Variants in PCDHGA5 observed in about 807,000 individuals in gnomAD.
PCDHGA5 encodes protocadherin gamma subfamily A, 5.
Under a neutral mutation model 56.7 loss-of-function variants are expected in PCDHGA5, and 36 were observed. The observed-to-expected ratio is 0.64, with a 90% CI of 0.49 to 0.84. PCDHGA5 has a LOEUF of 0.84. Among genes scored for constraint, PCDHGA5 ranks in the 40% least tolerant of loss-of-function variants. The pLI is 0.00. For missense variants in PCDHGA5, 1,305 were observed against 1,201.5 expected (o/e 1.09, Z -1.27); for synonymous variants, 563 against 520.2 (o/e 1.08, Z -1.12).
intron 1 of PCDHGA5, among the ~76,000 whole-genome samples, chr5:141,369,416 C>T (rs1766232805): frequency 6.6e-6 from 1 of 152,038 alleles, no homozygotes; most frequent in Non-Finnish European, 1.5e-5. Flanking sequence ...ACTATAATCC[C>T]AGCAATTTGG....
At chr5:141,414,926 G>T (rs2095802657) in intron 1 of PCDHGA5, 3 of 1,614,114 alleles carry the variant, frequency 1.9e-6, no homozygotes, top group Admixed American at 1.7e-5. Flanking sequence ...CTGGCGCCCC[G>T]CTCCGCAGAG....
chr5:141,423,759 G>C, intron 1 of PCDHGA5: 1 of 321,042 alleles, frequency 3.1e-6, no homozygotes, highest in Non-Finnish European at 4.5e-6. Flanking sequence ...TTGGGGGGGG[G>C]GTGGGGCGGC....
At chr5:141,401,058 T>A (rs967099811) in intron 1 of PCDHGA5, among the ~76,000 whole-genome samples, 1 of 152,236 alleles carries the variant, frequency 6.6e-6, no homozygotes, top group African/African-American at 2.4e-5. Flanking sequence ...AAATACTATA[T>A]GTTGGCTGGG....
At chr5:141,410,340 T>C (rs1408707323) in intron 1 of PCDHGA5, 5 of 1,614,068 alleles carry the variant, frequency 3.1e-6, no homozygotes, top group Non-Finnish European at 2.5e-6. Context: ...GCCATTGCCT[T>C]GCGCCTGCGA....
intron 1 of PCDHGA5, chr5:141,415,110 C>A: frequency 6.2e-7 from 1 of 1,613,666 alleles, no homozygotes; most frequent in Middle Eastern, 1.7e-4. Flanking sequence ...TCAAGCAAAG[C>A]CTCGTAGTGG....
At chr5:141,372,833 T>C (rs1317318812) in intron 1 of PCDHGA5, 6 of 1,538,022 alleles carry the variant, frequency 3.9e-6, no homozygotes, top group Non-Finnish European at 5.3e-6. Flanking sequence ...AACCTTTCCT[T>C]CCATAAATAT....
chr5:141,451,428 G>T (rs552096051), intron 1 of PCDHGA5, among the ~76,000 whole-genome samples: 17 of 152,166 alleles, frequency 1.1e-4, no homozygotes, highest in Non-Finnish European at 2.1e-4. Context: ...TTAGACTAAG[G>T]GTTCCAGTTC....
rs576464275 is a variant in PCDHGA5, at chr5:141,448,784, CA to C, written c.2422-46012del. ...TGAAACCCCGTCTGTACTAAAAATA[CA>C]AAAAAAAAAATTAGCCAGGCGTGAT... On this transcript the variant is annotated intron_variant, in intron 1 of 3. Coordinates refer to ENST00000518069, the MANE Select transcript of PCDHGA5 (RefSeq NM_018918.3). Among the ~76,000 whole-genome samples, 323 of 145,522 alleles carry C rather than the reference CA, an allele frequency of 2.2e-3. 2 individuals are homozygous for C. The highest frequency in any genetic ancestry group is 5.9e-3 in the African/African-American group (238 of 40,012).
At chr5:141,394,751 C>A in intron 1 of PCDHGA5, 3 of 1,613,428 alleles carry the variant, frequency 1.9e-6, no homozygotes, top group Non-Finnish European at 2.5e-6. Context: ...TGGTGGCCGT[C>A]CAGGACCATG....
intron 1 of PCDHGA5, chr5:141,372,266 T>C (rs1230396538): frequency 6.2e-7 from 1 of 1,613,082 alleles, no homozygotes. Flanking sequence ...TGCGCACGGG[T>C]GAGGTGCGCA....
rs768132114 is a variant in PCDHGA5 at position 141,489,845 on chromosome 5, G to A, written c.2422-4962G>A. 5 of 1,614,188 alleles carry A rather than the reference G, an allele frequency of 3.1e-6. No homozygotes were observed. The highest frequency in any genetic ancestry group is 2.2e-5 in the South Asian group (2 of 91,088). On this transcript the variant is annotated intron_variant, in intron 1 of 3. Transcript: ENST00000518069. This position sits in a 1 kb window ranked among gnomAD's most constrained non-coding sequence, Gnocchi z 4.5. ...CTGGTGCTAGAGCAGCAGCTGGATC[G>A]TGAAGCCCAGGCAAGACATCAGCTG...
chr5:141,383,662 G>A (rs780831620), intron 1 of PCDHGA5: 10 of 1,614,042 alleles, frequency 6.2e-6, no homozygotes, highest in South Asian at 1.1e-5. Flanking sequence ...CCCCGAGAAT[G>A]TGCCAGTGGG....
intron 1 of PCDHGA5, chr5:141,388,735 C>A: frequency 6.2e-7 from 1 of 1,613,974 alleles, no homozygotes; most frequent in East Asian, 2.2e-5. Context: ...TTCAGTGAAG[C>A]TAGCCAGATC....
In PCDHGA5 at chr5:141,491,893, G is replaced by C. The variant is rs2099734820; in HGVS notation, c.2422-2914G>C. The C allele has an allele frequency of 6.9e-7, 1 of 1,438,856 alleles. No individual in the cohort carries two copies. The highest frequency in any genetic ancestry group is 9.2e-7 in the Non-Finnish European group (1 of 1,088,104). 89.1% of individuals were successfully genotyped at this position (1,438,856 alleles called of 1,614,324 possible). A position where few individuals can be genotyped will look rare whatever the true frequency, so the allele number is the denominator to read the frequency against. ...GGCCGATTAAGGGATGGGGCTCCGA[G>C]CACCGGGGGTGGTGGCGACTGTGGG... On this transcript the variant is annotated intron_variant, in intron 1 of 3. Coordinates refer to ENST00000518069, the MANE Select transcript of PCDHGA5 (RefSeq NM_018918.3). The surrounding 1 kb of genome is among the most constrained non-coding windows in gnomAD (Gnocchi z 6.9).
chr5:141,460,959 A>G (rs892536901), intron 1 of PCDHGA5, among the ~76,000 whole-genome samples: 2 of 126,082 alleles, frequency 1.6e-5, no homozygotes, highest in African/African-American at 7.1e-5. Context: ...ATGTATATAT[A>G]TATGTGTGTG....
intron 1 of PCDHGA5, among the ~76,000 whole-genome samples, chr5:141,406,762 A>C (rs942707558): frequency 2.0e-5 from 3 of 152,238 alleles, no homozygotes; most frequent in Non-Finnish European, 4.4e-5. Context: ...CAAGGAATTA[A>C]AAATATTTCT....
At chr5:141,420,259 G>A (rs775335307) in intron 1 of PCDHGA5, 8 of 1,564,678 alleles carry the variant, frequency 5.1e-6, no homozygotes, top group Non-Finnish European at 6.9e-6. Context: ...AAGCAGATAA[G>A]AAGATTCTTA....
At chr5:141,503,902 C>T (rs552180745) in intron 2 of PCDHGA5, among the ~76,000 whole-genome samples, 7 of 152,328 alleles carry the variant, frequency 4.6e-5, no homozygotes, top group African/African-American at 1.7e-4. Context: ...AATATGCACA[C>T]ACACAACGCA....
chr5:141,384,249 C>T (rs886257445), intron 1 of PCDHGA5: 20 of 1,613,790 alleles, frequency 1.2e-5, no homozygotes, highest in Admixed American at 1.7e-5. Flanking sequence ...ATAACCCACC[C>T]ACCTTCCCCC....
Sources: allele counts gnomAD v4.1 joint callset (sites outside exome capture counted in the v4.1 genomes callset), GRCh38; gene constraint gnomAD v4.1.1; non-coding constraint Gnocchi (gnomAD v3.1); transcripts MANE v1.5; gene names NCBI Gene and HGNC (gene_info 2026-07-23, HGNC 2026-07-21).